ANXA9: variants seen among roughly 807,000 people sequenced by gnomAD.
ANXA9 encodes the protein annexin 31.
In ANXA9, 47 loss-of-function variants were observed where a neutral mutation model predicts 51.8. That is an observed-to-expected ratio of 0.91 (90% CI 0.72 to 1.16). The LOEUF (loss-of-function observed/expected upper bound fraction) is 1.16, where lower values mean the gene tolerates loss of function less well. Among genes scored for constraint, ANXA9 ranks in the 50% most tolerant of loss-of-function variants. The probability of loss-of-function intolerance (pLI) is 0.00; values close to 1 mark genes in which losing one functional copy is unlikely to be tolerated. For synonymous variants in ANXA9, 154 were observed against 168.7 expected, an observed-to-expected ratio of 0.91 and a Z score of 0.68; for missense variants, 361 against 424.7, an observed-to-expected ratio of 0.85 and a Z score of 1.32.
intron 9 of ANXA9, 134 bp downstream of exon 9, chr1:150,986,795 G>C (rs973744192): frequency 9.1e-6 from 8 of 876,540 alleles, no homozygotes; most frequent in Non-Finnish European, 1.4e-5. Flanking sequence ...GGAGTTCTCA[G>C]TTATGTGGTA....
chr1:150,986,773 T>TCTCCAAGGCAGGGATGG, intron 9 of ANXA9, 112 bp downstream of exon 9: 1 of 1,088,462 alleles, frequency 9.2e-7, no homozygotes, highest in Non-Finnish European at 1.3e-6. Context: ...AACCCATCCC[T>TCTCCAAGGCAGGGATGG]GCCTTGGAGA....
chr1:150,977,954 G>A (rs1571682910), upstream of ANXA9, among the ~76,000 whole-genome samples: 1 of 152,044 alleles, frequency 6.6e-6, no homozygotes, highest in African/African-American at 2.4e-5. Flanking sequence ...TGCCCAACAT[G>A]GTGAAACCTC....
chr1:150,987,727 CA>C (rs373848570), intron 9 of ANXA9, 144 bp from the exon 10 acceptor site: 121,293 of 511,074 alleles, frequency 0.24, 33 homozygotes, highest in South Asian at 0.28. Context: ...GAGTCCTTCT[CA>C]AAAAAAAAAA....
chr1:150,993,309 C>CTT (rs2102806692), intron 12 of ANXA9, among the ~76,000 whole-genome samples: 1 of 151,842 alleles, frequency 6.6e-6, no homozygotes, highest in African/African-American at 2.4e-5. Flanking sequence ...TGTGTTATTT[C>CTT]TTTTCTTTTC....
At chr1:150,977,353 C>T (rs1017380785), upstream of ANXA9, among the ~76,000 whole-genome samples, 5 of 152,186 alleles carry the variant, frequency 3.3e-5, no homozygotes, top group African/African-American at 4.8e-5. Flanking sequence ...CAGCCAGCAC[C>T]GGGATGATGC....
Position 150,988,490 on chromosome 1 carries a change from G to T in ANXA9, c.852+149G>T, listed in dbSNP as rs1020739634. Reference sequence around the variant, plus strand: ...GGGCTTACACACCAGGGCTTACACAGGGGTGGAGGAATGAGCTGTGGTGAG... The same window carrying T: ...GGGCTTACACACCAGGGCTTACACATGGGTGGAGGAATGAGCTGTGGTGAG... On this transcript the variant is annotated intron_variant, in intron 12 of 13. Transcript: ENST00000368947. 2.3e-5 allele frequency: 23 copies of T among 979,870 alleles called. No individual in the cohort carries two copies. The African/African-American group carries it at 3.6e-4, about 15-fold the overall frequency. 60.7% of individuals were successfully genotyped at this position (979,870 alleles called of 1,614,324 possible).
Position 150,986,666 on chromosome 1 carries a change from G to A in ANXA9, c.612+5G>A. 1 of 1,594,922 alleles carries A rather than the reference G, an allele frequency of 6.3e-7. No individual in the cohort carries two copies. Among genetic ancestry groups the A allele is most frequent in the Non-Finnish European group, 8.5e-7 (1 of 1,174,810 alleles). Reference sequence around the variant, plus strand: ...CTGGCAGAACAAGATGTCCAGGTGAGCAGGGGGTTTAGGAGTGTGCACAGC... The same window carrying A: ...CTGGCAGAACAAGATGTCCAGGTGAACAGGGGGTTTAGGAGTGTGCACAGC... On this transcript the variant is annotated splice_donor_5th_base_variant and intron_variant, in intron 9 of 13. Transcript: ENST00000368947.
intron 7 of ANXA9, 41 bp downstream of exon 7, chr1:150,984,717 G>T: frequency 6.4e-7 from 1 of 1,569,298 alleles, no homozygotes; most frequent in Non-Finnish European, 8.7e-7. Context: ...CTGGAGAAGG[G>T]GCTGTAGGAC....
chr1:150,979,098 T>G (rs587748636), upstream of ANXA9, among the ~76,000 whole-genome samples: 149 of 151,614 alleles, frequency 9.8e-4, no homozygotes, highest in Non-Finnish European at 1.7e-3. Flanking sequence ...GCCCTGAAGT[T>G]GAACAAAACA....
At chr1:150,994,813 G>T in intron 13 of ANXA9, 114 bp downstream of exon 13, 6 of 1,513,546 alleles carry the variant, frequency 4.0e-6, no homozygotes, top group South Asian at 2.6e-5. Flanking sequence ...CCAGTAGTTA[G>T]CCAGGCACAG....
intron 12 of ANXA9, among the ~76,000 whole-genome samples, chr1:150,990,599 G>C (rs1671671488): frequency 6.6e-6 from 1 of 152,116 alleles, no homozygotes; most frequent in Non-Finnish European, 1.5e-5. Flanking sequence ...GTAATCCCAG[G>C]ACTTTGGTAG....
chr1:150,991,747 G>A (rs1458778308), intron 12 of ANXA9, among the ~76,000 whole-genome samples: 1 of 150,638 alleles, frequency 6.6e-6, no homozygotes, highest in Non-Finnish European at 1.5e-5. Flanking sequence ...TCACCACGTT[G>A]GCCACGCTGG....
upstream of ANXA9, among the ~76,000 whole-genome samples, chr1:150,980,551 C>T (rs1671395888): frequency 6.6e-6 from 1 of 151,034 alleles, no homozygotes. Context: ...TTTTCTCTGC[C>T]ACATGCAATT....
chr1:150,991,482 G>A (rs1036645228), intron 12 of ANXA9, among the ~76,000 whole-genome samples: 3 of 151,560 alleles, frequency 2.0e-5, no homozygotes, highest in African/African-American at 7.3e-5. Context: ...TGATCCACAC[G>A]CCTCAGCCTC....
Position 150,988,289 on chromosome 1 carries a change from T to C in ANXA9, c.800T>C (p.Val267Ala), listed in dbSNP as rs587766028. Residue 267 changes from valine (V) to alanine (A), a missense_variant, in exon 12 of 14, where the codon GTG (valine) becomes GCG (alanine). By Grantham distance (64) the Val-to-Ala change is moderately conservative. Coordinates refer to ENST00000368947, the MANE Select transcript of ANXA9 (RefSeq NM_003568.3). ...AQVALLGLAS[V>A]IKNTPLYFAD... ...CTTCCATCTTTGTTTCCAGCTTCGGTGATCAAGAACACACCGCTGTACTTT... is the reference window on the plus strand; with the variant it reads ...CTTCCATCTTTGTTTCCAGCTTCGGCGATCAAGAACACACCGCTGTACTTT... 1.3e-5 allele frequency: 21 copies of C among 1,614,158 alleles called. No homozygotes were observed. The African/African-American group carries it at 1.6e-4, about 12-fold the overall frequency.
At chr1:150,981,927 C>T (rs1441576250), upstream of ANXA9, 5 of 152,242 alleles carry the variant, frequency 3.3e-5, no homozygotes, top group African/African-American at 7.2e-5. Context: ...GTCTGACCTG[C>T]CCCCCAGGGA....
intron 7 of ANXA9, among the ~76,000 whole-genome samples, chr1:150,985,686 C>T (rs1469420589): frequency 6.6e-6 from 1 of 152,110 alleles, no homozygotes; most frequent in Non-Finnish European, 1.5e-5. Flanking sequence ...CCCACCTCAG[C>T]CTCCTAAGTA....
intron 11 of ANXA9, 39 bp from the exon 12 acceptor site, chr1:150,988,244 C>T: frequency 1.2e-6 from 2 of 1,614,128 alleles, no homozygotes; most frequent in South Asian, 2.2e-5. Flanking sequence ...AGATTGTGGT[C>T]CTAGTTGTGA....
intron 12 of ANXA9, among the ~76,000 whole-genome samples, chr1:150,993,107 G>A (rs1671744990): frequency 6.6e-6 from 1 of 151,722 alleles, no homozygotes; most frequent in Non-Finnish European, 1.5e-5. Context: ...GGCAGTTCTG[G>A]GAAGAGTCTT....
Sources: gnomAD v4.1 joint callset for allele counts (sites outside exome capture counted in the v4.1 genomes callset) on GRCh38, gnomAD v4.1.1 for gene constraint, MANE v1.5 for transcripts, NCBI Gene and HGNC (gene_info 2026-07-23, HGNC 2026-07-21) for gene names.